The following ANOS1 variants were observed in gnomAD, a reference collection of about 807,000 sequenced individuals.
ANOS1 encodes anosmin 1, also known as anosmin-1.
Under a neutral mutation model 59.0 loss-of-function variants are expected in ANOS1, and 6 were observed. The ratio of observed to expected loss-of-function variants is 0.10; its 90% CI spans 0.06 to 0.20. ANOS1 has a LOEUF of 0.20. Ranked by LOEUF, ANOS1 falls within the 10% of genes least tolerant of loss-of-function variation. The pLI, the probability that ANOS1 is intolerant of heterozygous loss-of-function variation, is 1.00. For synonymous variants in ANOS1, 217 were observed against 223.4 expected (o/e 0.97, Z 0.25); for missense variants, 433 against 542.3 (o/e 0.80, Z 2.00).
At chrX:8,632,978 C>T (rs969989719) in intron 2 of ANOS1, among the ~76,000 whole-genome samples, 1 of 111,258 alleles carries the variant, frequency 9.0e-6, no homozygotes, top group African/African-American at 3.3e-5. Context: ...CACCCTACTG[C>T]CTTTAGAAGT....
chrX:8,655,562 G>A (rs146835528), intron 2 of ANOS1, among the ~76,000 whole-genome samples: 3,376 of 111,123 alleles, frequency 0.03, 45 homozygotes, highest in African/African-American at 0.051. Flanking sequence ...ATGCTACATC[G>A]TCACACTGAG....
At chrX:8,690,063 C>A (rs1236256690) in intron 2 of ANOS1, among the ~76,000 whole-genome samples, 1 of 112,274 alleles carries the variant, frequency 8.9e-6, no homozygotes, top group Non-Finnish European at 1.9e-5. Flanking sequence ...TAGAATATTT[C>A]TCTTATCTCT....
At chrX:8,682,884 C>G (rs1398499937) in intron 2 of ANOS1, among the ~76,000 whole-genome samples, 1 of 111,147 alleles carries the variant, frequency 9.0e-6, no homozygotes, top group African/African-American at 3.3e-5. Flanking sequence ...AAAAATGTGC[C>G]AAAAATTTGA....
At chrX:8,557,617 A>C (rs1189034201) in intron 8 of ANOS1, among the ~76,000 whole-genome samples, 1 of 112,479 alleles carries the variant, frequency 8.9e-6, no homozygotes, top group Non-Finnish European at 1.9e-5. Context: ...AATCAAAACC[A>C]CAATTAGATA....
intron 5 of ANOS1, among the ~76,000 whole-genome samples, chrX:8,586,226 G>T (rs1373166610): frequency 4.5e-5 from 5 of 111,812 alleles, no homozygotes; most frequent in African/African-American, 1.6e-4. Context: ...AACAGGATTG[G>T]ATTTGAACAC....
At chrX:8,653,948 T>C (rs1931889291) in intron 2 of ANOS1, among the ~76,000 whole-genome samples, 1 of 112,371 alleles carries the variant, frequency 8.9e-6, no homozygotes, top group Admixed American at 9.5e-5. Flanking sequence ...GTAGCAAGCA[T>C]GATGCCACAT....
chrX:8,594,386 G>A (rs946575118), intron 4 of ANOS1, among the ~76,000 whole-genome samples: 3 of 107,565 alleles, frequency 2.8e-5, no homozygotes, highest in African/African-American at 3.4e-5. Flanking sequence ...GGGTTAGAAC[G>A]GACACTTTCC....
Position 8,699,661 on chromosome X carries a change from GT to G in ANOS1, c.255+36del, listed in dbSNP as rs1320723826. 5 of 1,113,369 alleles carry G rather than the reference GT, an allele frequency of 4.5e-6. No homozygotes were observed. The African/African-American group carries it at 5.5e-5, about 12-fold the overall frequency. 91.8% of individuals were successfully genotyped at this position (1,113,369 alleles called of 1,213,427 possible). On this transcript the variant is annotated intron_variant, in intron 2 of 13. Coordinates refer to ENST00000262648, the MANE Select transcript of ANOS1 (RefSeq NM_000216.4). ...ATCTATAATTATTCCAAAATTAAAA[GT>G]TTTTTGCACCATTCATACAGGTATA...
intron 8 of ANOS1, among the ~76,000 whole-genome samples, chrX:8,563,913 G>A (rs1351626129): frequency 8.9e-6 from 1 of 111,856 alleles, no homozygotes; most frequent in Admixed American, 9.5e-5. Flanking sequence ...TGGAGGGAGT[G>A]AGTTCAATGT....
intron 2 of ANOS1, among the ~76,000 whole-genome samples, chrX:8,693,733 A>T (rs1932640763): frequency 1.3e-5 from 1 of 75,332 alleles, no homozygotes; most frequent in Non-Finnish European, 2.5e-5. Context: ...TATTGCATGA[A>T]TTTTTTTTTT....
At chrX:8,608,046 T>A (rs1930972773) in intron 3 of ANOS1, among the ~76,000 whole-genome samples, 1 of 111,582 alleles carries the variant, frequency 9.0e-6, no homozygotes, top group African/African-American at 3.3e-5. Context: ...CAGAAACAAA[T>A]ACAGCCTGTC....
intron 2 of ANOS1, among the ~76,000 whole-genome samples, chrX:8,695,873 G>C (rs1047720576): frequency 9.0e-6 from 1 of 111,173 alleles, no homozygotes; most frequent in African/African-American, 3.3e-5. Flanking sequence ...TCCTGTGTAG[G>C]GGATTTACTG....
intron 8 of ANOS1, chrX:8,566,341 G>A (rs113912114): frequency 4.9e-4 from 148 of 299,460 alleles, no homozygotes; most frequent in Middle Eastern, 2.0e-3. Context: ...GTGTATATAT[G>A]TGTGTGTGTG....
chrX:8,563,586 A>G (rs1930065391), intron 8 of ANOS1, among the ~76,000 whole-genome samples: 1 of 112,541 alleles, frequency 8.9e-6, no homozygotes. Context: ...AGATGACACC[A>G]AAAGCCATTT....
At chrX:8,729,047 C>G (rs191130024) in intron 1 of ANOS1, among the ~76,000 whole-genome samples, 3 of 112,189 alleles carry the variant, frequency 2.7e-5, no homozygotes, top group Non-Finnish European at 5.6e-5. Flanking sequence ...CTCTGCAGGC[C>G]GACGACAGCA....
At chrX:8,656,589 G>A (rs1171088039) in intron 2 of ANOS1, among the ~76,000 whole-genome samples, 1 of 111,178 alleles carries the variant, frequency 9.0e-6, no homozygotes, top group African/African-American at 3.3e-5. Context: ...TGAAGTTATT[G>A]CAATCATTGC....
intron 2 of ANOS1, among the ~76,000 whole-genome samples, chrX:8,625,628 G>A (rs1229700442): frequency 1.8e-5 from 2 of 111,702 alleles, no homozygotes; most frequent in Admixed American, 1.9e-4. Context: ...TGTGCCAACT[G>A]TCAATTCTTT....
Position 8,619,351 on chromosome X carries a change from A to G in ANOS1, c.318+4257T>C, listed in dbSNP as rs1356316801. On this transcript the variant is annotated intron_variant, in intron 3 of 13. Transcript: ENST00000262648. ...CCGGGCAAGGTGGCTCACGCCTGTA[A>G]TCCCAGCACTTTGGGAGGCCAAGGC... 3.6e-5 allele frequency among the ~76,000 whole-genome samples: 4 copies of G among 111,864 alleles called. No individual in the cohort carries two copies. In the Admixed American group the frequency reaches 3.8e-4, roughly 11 times the overall value.
chrX:8,567,702 G>C (rs181567689), intron 8 of ANOS1, among the ~76,000 whole-genome samples: 15 of 111,189 alleles, frequency 1.3e-4, no homozygotes, highest in Non-Finnish European at 1.3e-4. Context: ...ACTGAGGCAG[G>C]AGAACCGCTT....
Sources: gnomAD v4.1 joint callset for allele counts (sites outside exome capture counted in the v4.1 genomes callset) on GRCh38, gnomAD v4.1.1 for gene constraint, MANE v1.5 for transcripts, NCBI Gene and HGNC (gene_info 2026-07-23, HGNC 2026-07-21) for gene names.